FAM228B: variants seen among roughly 807,000 people sequenced by gnomAD.
The protein encoded by FAM228B is protein FAM228B.
FAM228B carries 38 observed loss-of-function variants against 42.6 expected under a neutral mutation model. That is an observed-to-expected ratio of 0.89 (90% CI 0.69 to 1.17). FAM228B has a LOEUF of 1.17. Ranked by LOEUF, FAM228B falls within the 50% of genes most tolerant of loss-of-function variation. FAM228B has a pLI of 0.00. For missense variants in FAM228B, 344 were observed against 367.3 expected, an observed-to-expected ratio of 0.94 and a Z score of 0.52; for synonymous variants, 109 against 122.3, an observed-to-expected ratio of 0.89 and a Z score of 0.72.
At chr2:24,106,835 G>C (rs11884669) in intron 3 of FAM228B, among the ~76,000 whole-genome samples, 18,087 of 151,914 alleles carry the variant, frequency 0.12, 1,260 homozygotes, top group South Asian at 0.18. Flanking sequence ...ACACACTTAA[G>C]TAGACAGACT....
chr2:24,119,055 A>G (rs1666015576), upstream of FAM228B, among the ~76,000 whole-genome samples: 1 of 152,194 alleles, frequency 6.6e-6, no homozygotes, highest in Admixed American at 6.5e-5. Context: ...CGGAGGGGGA[A>G]TGCAGTATAT....
At chr2:24,110,690 C>T (rs1665776140) in intron 3 of FAM228B, among the ~76,000 whole-genome samples, 1 of 152,196 alleles carries the variant, frequency 6.6e-6, no homozygotes. Context: ...TATAAGAAAA[C>T]TGCAATCGTA....
chr2:24,138,675 A>G (rs1666665315), intron 4 of FAM228B, among the ~76,000 whole-genome samples: 1 of 149,130 alleles, frequency 6.7e-6, no homozygotes, highest in South Asian at 2.3e-4. Flanking sequence ...AAGTTAAAAA[A>G]TGTGGGTGTG....
At chr2:24,124,136 A>T (rs1331549250) in intron 1 of FAM228B, 194 bp from the exon 2 acceptor site, 3 of 405,522 alleles carry the variant, frequency 7.4e-6, no homozygotes, top group Non-Finnish European at 1.3e-5. Flanking sequence ...TTCAAAGAGC[A>T]TCTCGCCTGC....
At chr2:24,124,804 C>T (rs1666265322) in intron 2 of FAM228B, among the ~76,000 whole-genome samples, 1 of 152,100 alleles carries the variant, frequency 6.6e-6, no homozygotes, top group Non-Finnish European at 1.5e-5. Flanking sequence ...TGGAATCAAG[C>T]CATCCTTCCA....
intron 1 of FAM228B, chr2:24,079,093 T>A (rs745901521): frequency 2.6e-5 from 5 of 191,306 alleles, no homozygotes; most frequent in Non-Finnish European, 4.4e-5. Flanking sequence ...CTTATTTTTT[T>A]ACTCACCTAA....
At chr2:24,154,246 C>T (rs141725195) in intron 7 of FAM228B, among the ~76,000 whole-genome samples, 193 of 152,298 alleles carry the variant, frequency 1.3e-3, no homozygotes, top group African/African-American at 4.4e-3. Flanking sequence ...TGTTCCAGTG[C>T]GGGGAATAAA....
chr2:24,164,777 C>T (rs115106000), intron 9 of FAM228B, among the ~76,000 whole-genome samples: 3,666 of 152,316 alleles, frequency 0.024, 89 homozygotes, highest in Non-Finnish European at 0.038. Context: ...AGGACCAATA[C>T]TAAATTCAAG....
At position 24,164,201 on chromosome 2, in the gene FAM228B, CAA is replaced by C; in HGVS notation, c.800_801del (p.Lys267ArgfsTer17). On this transcript the variant is annotated frameshift_variant, in exon 9 of 11. Transcript: ENST00000615575. LOFTEE classifies it high-confidence loss of function. ...EEEKTVIYKNKGSSFLEREPL... is the reference protein window; with the variant it reads ...EEEKTVIYKNXGSSFLEREPL... The stretch of plus-strand genomic sequence containing the variant: ...CCTTTCTGGTTCCTTCCTGCAGAAA[CAA>C]AGGGTCATCCTTTCTAGAAAGAGAA... The C allele has an allele frequency of 6.5e-7, 1 of 1,548,704 alleles. No homozygotes were observed. The highest frequency in any genetic ancestry group is 8.7e-7 in the Non-Finnish European group (1 of 1,145,330).
At chr2:24,117,084 C>T (rs540069747) in intron 3 of FAM228B, among the ~76,000 whole-genome samples, 1 of 144,464 alleles carries the variant, frequency 6.9e-6, no homozygotes, top group African/African-American at 2.6e-5. Context: ...GGCACGATCT[C>T]GGCTCACCGC....
chr2:24,084,365 A>ACAGGG lies in FAM228B; in HGVS notation c.-210+3425_-210+3429dup, dbSNP rs771776191. Reference sequence around the variant, plus strand: ...ACAGGGCAGGGCAGGGCAGGACAGGACAGGGCAGGGCAGGGCAGGACAGGA... The same window carrying ACAGGG: ...ACAGGGCAGGGCAGGGCAGGACAGGACAGGGCAGGGCAGGGCAGGGCAGGACAGGA... On this transcript the variant is annotated intron_variant, in intron 2 of 10. Coordinates refer to the FAM228B transcript ENST00000613899. The surrounding 1 kb of genome is among the most constrained non-coding windows in gnomAD (Gnocchi z 8.4). 1.5e-4 allele frequency: 237 copies of ACAGGG among 1,555,436 alleles called. No homozygotes were observed. In the African/African-American group the frequency reaches 2.0e-3, roughly 13 times the overall value.
At chr2:24,102,218 TACTC>T (rs149482278) in intron 3 of FAM228B, among the ~76,000 whole-genome samples, 1,785 of 152,334 alleles carry the variant, frequency 0.012, 17 homozygotes, top group Non-Finnish European at 0.018. Context: ...CCCAATCTGT[TACTC>T]AGTCACAAGT....
At chr2:24,166,054 A>AAAAATATATATATATATATATATAT (rs56146407) in intron 9 of FAM228B, 11 of 81,044 alleles carry the variant, frequency 1.4e-4, no homozygotes, top group Non-Finnish European at 1.5e-4. Context: ...AAAAAAAAAA[A>AAAAATATATATATATATATATATAT]ATATATATAT....
intron 2 of FAM228B, among the ~76,000 whole-genome samples, chr2:24,131,501 C>T (rs1666452337): frequency 6.6e-6 from 1 of 152,148 alleles, no homozygotes; most frequent in Admixed American, 6.6e-5. Context: ...TCTCTTATTT[C>T]CTTGAGCAGT....
At chr2:24,119,125 A>G (rs978482389), upstream of FAM228B, among the ~76,000 whole-genome samples, 6 of 152,036 alleles carry the variant, frequency 3.9e-5, no homozygotes, top group Admixed American at 1.3e-4. Flanking sequence ...GTCTCTTTAT[A>G]TAGGGTAGAC....
In FAM228B at chr2:24,150,494, G is replaced by A. The variant is rs186446105; in HGVS notation, c.686+3408G>A. Among the ~76,000 whole-genome samples, 14 of 151,750 alleles carry A rather than the reference G, an allele frequency of 9.2e-5. No individual in the cohort carries two copies. In the East Asian group the frequency reaches 2.3e-3, roughly 25 times the overall value. The stretch of plus-strand genomic sequence containing the variant: ...GGCTGGAGTGCAGTGGCATAATCTC[G>A]GCTCACTGCAACCTCTGCCTCCCAG... On this transcript the variant is annotated intron_variant, in intron 7 of 10. Coordinates refer to ENST00000615575, the MANE Select transcript of FAM228B (RefSeq NM_001145710.2).
intron 9 of FAM228B, chr2:24,166,054 A>AAAAAAATATATATATATATATATAT (rs56146407): frequency 1.2e-5 from 1 of 81,030 alleles, no homozygotes; most frequent in Non-Finnish European, 2.4e-5. Context: ...AAAAAAAAAA[A>AAAAAAATATATATATATATATATAT]ATATATATAT....
chr2:24,157,719 CAG>C (rs1334149257), intron 7 of FAM228B, among the ~76,000 whole-genome samples: 2 of 137,714 alleles, frequency 1.5e-5, no homozygotes, highest in African/African-American at 5.2e-5. Context: ...GCCTGGGTAA[CAG>C]AGTGAGACTC....
chr2:24,090,653 A>G (rs1204187178), intron 2 of FAM228B, among the ~76,000 whole-genome samples: 3 of 152,122 alleles, frequency 2.0e-5, no homozygotes, highest in African/African-American at 7.2e-5. Context: ...GTCTATCAAT[A>G]CAACCCCAAA....
Sources: allele counts gnomAD v4.1 joint callset (sites outside exome capture counted in the v4.1 genomes callset), GRCh38; gene constraint gnomAD v4.1.1; non-coding constraint Gnocchi (gnomAD v3.1); transcripts MANE v1.5; gene names NCBI Gene and HGNC (gene_info 2026-07-23, HGNC 2026-07-21).